ELAPOR2: variants seen among roughly 807,000 people sequenced by gnomAD.
ELAPOR2 encodes endosome/lysosome-associated apoptosis and autophagy regulator family member 2.
ELAPOR2 carries 89 observed loss-of-function variants against 120.7 expected under a neutral mutation model. The ratio of observed to expected loss-of-function variants is 0.74; its 90% confidence interval spans 0.62 to 0.88. The LOEUF (loss-of-function observed/expected upper bound fraction) is 0.88. Among genes scored for constraint, ELAPOR2 ranks in the 40% least tolerant of loss-of-function variants. The pLI, the probability that ELAPOR2 is intolerant of heterozygous loss-of-function variation, is 0.00. For missense variants in ELAPOR2, 1,134 were observed against 1,251.6 expected (o/e 0.91, Z 1.42); for synonymous variants, 444 against 444.9 (o/e 1.00, Z 0.03).
intron 1 of ELAPOR2, among the ~76,000 whole-genome samples, chr7:87,017,920 AAAAATAAAAT>A (rs1188381826): frequency 2.6e-5 from 4 of 152,060 alleles, no homozygotes; most frequent in Non-Finnish European, 4.4e-5. Context: ...GACTGTCTCA[AAAAATAAAAT>A]AAAATAAAAT....
chr7:87,028,361 C>T (rs1308866134), intron 1 of ELAPOR2, among the ~76,000 whole-genome samples: 1 of 151,988 alleles, frequency 6.6e-6, no homozygotes, highest in African/African-American at 2.4e-5. Context: ...ATCCATCAAC[C>T]CTCTTCTTCA....
intron 2 of ELAPOR2, among the ~76,000 whole-genome samples, chr7:86,962,004 A>G (rs1791731094): frequency 6.6e-6 from 1 of 152,172 alleles, no homozygotes; most frequent in African/African-American, 2.4e-5. Context: ...GTGTCAATTA[A>G]CAACCAGAAG....
chr7:86,902,145 G>T (rs1233688055), intron 18 of ELAPOR2, among the ~76,000 whole-genome samples: 1 of 151,920 alleles, frequency 6.6e-6, no homozygotes, highest in Non-Finnish European at 1.5e-5. Flanking sequence ...GAAGGGGCTA[G>T]CTAGCTCTCT....
chr7:86,892,817 G>A (rs1367284160), intron 20 of ELAPOR2, 105 bp downstream of exon 20: 1 of 1,036,818 alleles, frequency 9.6e-7, no homozygotes, highest in African/African-American at 1.7e-5. Context: ...GAAAATTCTT[G>A]TGTCTCTGAG....
intron 21 of ELAPOR2, among the ~76,000 whole-genome samples, chr7:86,882,092 G>A (rs1348747952): frequency 6.6e-6 from 1 of 152,212 alleles, no homozygotes; most frequent in Non-Finnish European, 1.5e-5. Flanking sequence ...AGAGCAGACT[G>A]TAGATCTTCT....
At chr7:86,911,575 C>G in intron 15 of ELAPOR2, 1 of 452,926 alleles carries the variant, frequency 2.2e-6, no homozygotes, top group Non-Finnish European at 4.4e-6. Context: ...TAAGATTCCT[C>G]TTCTTCTCAC....
chr7:86,976,765 G>A (rs73384121), intron 1 of ELAPOR2, among the ~76,000 whole-genome samples: 17,878 of 152,094 alleles, frequency 0.12, 1,636 homozygotes, highest in African/African-American at 0.25. Context: ...TCCAGAATAC[G>A]ATCAAAAATC....
At chr7:86,995,130 A>G (rs1484594124) in intron 1 of ELAPOR2, among the ~76,000 whole-genome samples, 1 of 152,184 alleles carries the variant, frequency 6.6e-6, no homozygotes, top group African/African-American at 2.4e-5. Context: ...ACCTTCAGGC[A>G]AGACAGTAGC....
chr7:87,018,274 C>T (rs987099565), intron 1 of ELAPOR2, among the ~76,000 whole-genome samples: 12 of 152,020 alleles, frequency 7.9e-5, no homozygotes, highest in Non-Finnish European at 1.5e-4. Flanking sequence ...CTCCTGACCT[C>T]GTGATCTACC....
At chr7:86,983,348 T>C (rs1792585275) in intron 1 of ELAPOR2, among the ~76,000 whole-genome samples, 1 of 152,128 alleles carries the variant, frequency 6.6e-6, no homozygotes. Flanking sequence ...ACCAGAAAGA[T>C]ACTCTTCGAG....
intron 20 of ELAPOR2, 67 bp downstream of exon 20, chr7:86,892,854 CA>C (rs1235018422): frequency 7.6e-6 from 10 of 1,319,834 alleles, no homozygotes; most frequent in Non-Finnish European, 1.0e-5. Flanking sequence ...ATATAATGAT[CA>C]AGTCTAGAAT....
At chr7:86,997,454 G>A (rs529304533) in intron 1 of ELAPOR2, among the ~76,000 whole-genome samples, 1 of 152,176 alleles carries the variant, frequency 6.6e-6, no homozygotes, top group South Asian at 2.1e-4. Context: ...AAGAGCCCCA[G>A]GAACAATTTT....
At chr7:86,942,511 T>C (rs1373579426) in intron 4 of ELAPOR2, among the ~76,000 whole-genome samples, 1 of 152,118 alleles carries the variant, frequency 6.6e-6, no homozygotes, top group African/African-American at 2.4e-5. Context: ...CTGTTCTTTA[T>C]AATATTTGCA....
In ELAPOR2 at chr7:87,009,092, A is replaced by G. The variant is rs142476389; in HGVS notation, c.190-44068T>C. On this transcript the variant is annotated intron_variant, in intron 1 of 21. Coordinates refer to ENST00000450689, the MANE Select transcript of ELAPOR2 (RefSeq NM_001142749.3). Reference sequence around the variant, plus strand: ...CTAATTTTGTTAAGCAATGCTGAGCAAAAAACAAAACAACGACAACAAAAA... The same window carrying G: ...CTAATTTTGTTAAGCAATGCTGAGCGAAAAACAAAACAACGACAACAAAAA... Among the ~76,000 whole-genome samples, 445 of 152,328 alleles carry G rather than the reference A, an allele frequency of 2.9e-3. 1 individual carries two copies. The highest frequency in any genetic ancestry group is 0.01 in the African/African-American group (427 of 41,578).
At chr7:86,974,514 C>A (rs953281214) in intron 1 of ELAPOR2, among the ~76,000 whole-genome samples, 1 of 148,518 alleles carries the variant, frequency 6.7e-6, no homozygotes, top group Non-Finnish European at 1.5e-5. Flanking sequence ...TATTTAATAA[C>A]AAAATTATTT....
At chr7:87,041,707 C>T (rs985809032) in intron 1 of ELAPOR2, among the ~76,000 whole-genome samples, 1 of 151,452 alleles carries the variant, frequency 6.6e-6, no homozygotes, top group African/African-American at 2.4e-5. Flanking sequence ...CATCAACTAA[C>T]GAGCAAAATA....
chr7:87,016,533 C>A (rs1257476640), intron 1 of ELAPOR2, among the ~76,000 whole-genome samples: 1 of 151,652 alleles, frequency 6.6e-6, no homozygotes, highest in Non-Finnish European at 1.5e-5. Context: ...GGGTAGAAAT[C>A]ACAGGAGAAA....
intron 1 of ELAPOR2, among the ~76,000 whole-genome samples, chr7:86,988,262 G>A (rs1010006296): frequency 6.6e-6 from 1 of 152,096 alleles, no homozygotes; most frequent in African/African-American, 2.4e-5. Context: ...TGGGTTGATG[G>A]GTGTAGCAGA....
In ELAPOR2 at chr7:86,938,887, G is replaced by A. The variant is rs1009235564; in HGVS notation, c.921C>T (p.Cys307=). The A allele has an allele frequency of 1.9e-6, 3 of 1,613,364 alleles. No homozygotes were observed. The highest frequency in any genetic ancestry group is 2.5e-6 in the Non-Finnish European group (3 of 1,179,504). The change falls in exon 7 of 22, where the codon TGC becomes TGT. Residue 307 remains cysteine (C), a synonymous_variant. Coordinates refer to ENST00000450689, the MANE Select transcript of ELAPOR2 (RefSeq NM_001142749.3). ...AATAGGTGTTTCTGGGACACACCTG[G>A]CAGTTGAATGAACCTGGTTTGTTGC... ...TFSNKPGSFN[C]QVCPRNTYSE...
Sources: gnomAD v4.1 joint callset for allele counts (sites outside exome capture counted in the v4.1 genomes callset) on GRCh38, gnomAD v4.1.1 for gene constraint, MANE v1.5 for transcripts, NCBI Gene and HGNC (gene_info 2026-07-23, HGNC 2026-07-21) for gene names.